Variants in ZNF765 observed in about 807,000 individuals in gnomAD.
ZNF765 encodes the protein zinc finger protein 765.
Under a neutral mutation model 44.7 loss-of-function variants are expected in ZNF765, and 37 were observed. That is an observed-to-expected ratio of 0.83 (90% confidence interval 0.64 to 1.09). ZNF765 has a LOEUF of 1.09. Ranked by LOEUF, ZNF765 falls within the 50% of genes least tolerant of loss-of-function variation. The pLI is 0.00. For missense variants in ZNF765, 594 were observed against 626.1 expected (o/e 0.95, Z 0.55); for synonymous variants, 201 against 213.7 (o/e 0.94, Z 0.52).
chr19:53,405,048 A>G (rs193053725), intron 3 of ZNF765, among the ~76,000 whole-genome samples: 131 of 152,132 alleles, frequency 8.6e-4, no homozygotes, highest in African/African-American at 2.8e-3. Flanking sequence ...TGAAACCTCA[A>G]ATCTACTAAA....
downstream of ZNF765, among the ~76,000 whole-genome samples, chr19:53,414,799 T>C (rs62117297): frequency 0.8 from 118,336 of 148,404 alleles, 47,699 homozygotes; most frequent in Admixed American, 0.85. Flanking sequence ...TCACCACAGG[T>C]GCTCAATCAG....
intron 3 of ZNF765, among the ~76,000 whole-genome samples, chr19:53,403,272 G>T (rs1192444218): frequency 6.6e-6 from 1 of 152,150 alleles, no homozygotes; most frequent in Non-Finnish European, 1.5e-5. Flanking sequence ...TTTGCCTTCT[G>T]AGTGCAGATT....
exon 4 of ZNF765, chr19:53,425,527 G>A (rs1463944608): frequency 6.6e-6 from 1 of 152,268 alleles, no homozygotes; most frequent in Non-Finnish European, 1.5e-5. Context: ...TCTCAGGCTG[G>A]TCTCAAACTC....
At chr19:53,413,160 TGTG>T (rs1057315792), downstream of ZNF765, 17 of 558,026 alleles carry the variant, frequency 3.0e-5, no homozygotes, top group Admixed American at 5.9e-5. Context: ...TCTCTCCCCT[TGTG>T]GTGTGTACTT....
At chr19:53,421,143 T>C (rs549277270) in intron 3 of ZNF765, among the ~76,000 whole-genome samples, 1 of 152,352 alleles carries the variant, frequency 6.6e-6, no homozygotes, top group African/African-American at 2.4e-5. Flanking sequence ...TGCTCTTTAC[T>C]GCACAGAGAT....
At position 53,408,755 on chromosome 19, in the gene ZNF765, C is replaced by T; in HGVS notation, c.1200C>T (p.Tyr400=). 4 of 1,573,902 alleles carry T rather than the reference C, an allele frequency of 2.5e-6. No homozygotes were observed. Among genetic ancestry groups the T allele is most frequent in the Non-Finnish European group, 3.5e-6 (4 of 1,156,224 alleles). ...TTAGTCACAAGTCATCTCTTACATA[C>T]CATCGTAGACTTCATACTGAAGAGA... ...KTFSHKSSLT[Y]HRRLHTEEKP... Residue 400 remains tyrosine, a synonymous_variant, in exon 4 of 4, where the codon TAC becomes TAT. Coordinates refer to ENST00000396408, the MANE Select transcript of ZNF765 (RefSeq NM_001040185.3).
At chr19:53,402,369 A>C (rs1321729353) in intron 3 of ZNF765, among the ~76,000 whole-genome samples, 178 bp downstream of exon 3, 1 of 144,000 alleles carries the variant, frequency 6.9e-6, no homozygotes, top group Admixed American at 7.5e-5. Context: ...CCATTCTCCT[A>C]CTTCAGCCTC....
chr19:53,402,510 T>C (rs1200617391), intron 3 of ZNF765, among the ~76,000 whole-genome samples: 1 of 152,106 alleles, frequency 6.6e-6, no homozygotes, highest in Non-Finnish European at 1.5e-5. Context: ...TCCACACACC[T>C]CGGCCTCCCA....
At chr19:53,402,011 T>C (rs2085731014) in intron 2 of ZNF765, 54 bp from the exon 3 acceptor site, 2 of 1,613,984 alleles carry the variant, frequency 1.2e-6, no homozygotes, top group East Asian at 2.2e-5. Context: ...TCATTTTCTG[T>C]AAAGATAAGA....
downstream of ZNF765, among the ~76,000 whole-genome samples, chr19:53,414,234 C>T (rs10411241): frequency 0.88 from 92,317 of 104,784 alleles, 41,756 homozygotes; most frequent in Middle Eastern, 0.98. Context: ...GAGTGAGACT[C>T]CATCTCAAAA....
At chr19:53,396,810 C>T (rs74508405) in intron 1 of ZNF765, among the ~76,000 whole-genome samples, 1 of 128,052 alleles carries the variant, frequency 7.8e-6, no homozygotes, top group African/African-American at 3.0e-5. Flanking sequence ...TCTCCCTTTG[C>T]TGCTTTTTAT....
chr19:53,412,199 CCTTT>C (rs1409595663), downstream of ZNF765, among the ~76,000 whole-genome samples: 3 of 152,132 alleles, frequency 2.0e-5, no homozygotes, highest in Admixed American at 6.6e-5. Flanking sequence ...AGGTAAATTT[CCTTT>C]CTATCTATTT....
At chr19:53,399,897 C>G (rs1403316905) in intron 2 of ZNF765, among the ~76,000 whole-genome samples, 1 of 152,068 alleles carries the variant, frequency 6.6e-6, no homozygotes, top group Non-Finnish European at 1.5e-5. Context: ...TCACTGCAAC[C>G]TCTGCCTCCC....
chr19:53,422,459 G>A (rs1432632691), intron 3 of ZNF765, among the ~76,000 whole-genome samples: 1 of 152,174 alleles, frequency 6.6e-6, no homozygotes, highest in Non-Finnish European at 1.5e-5. Context: ...GCAATTCATT[G>A]CAAATACACT....
intron 3 of ZNF765, among the ~76,000 whole-genome samples, chr19:53,422,027 T>C (rs76990130): frequency 0.065 from 9,827 of 152,182 alleles, 423 homozygotes; most frequent in East Asian, 0.086. Flanking sequence ...ATTCCTGTAA[T>C]TTTATACTCC....
At position 53,408,760 on chromosome 19, in the gene ZNF765, G is replaced by A. The variant is rs115354767; in HGVS notation, c.1205G>A (p.Arg402His). The change falls in exon 4 of 4, where the codon CGT becomes CAT. Residue 402 changes from arginine to histidine, a missense_variant. Physicochemically the swap from Arg to His is conservative, Grantham distance 29 (BLOSUM62 0). Transcript: ENST00000396408. ...FSHKSSLTYH[R>H]RLHTEEKPYK... Reference sequence around the variant, plus strand: ...CACAAGTCATCTCTTACATACCATCGTAGACTTCATACTGAAGAGAAACCT... The same window carrying A: ...CACAAGTCATCTCTTACATACCATCATAGACTTCATACTGAAGAGAAACCT... 7.8e-4 allele frequency: 1,259 copies of A among 1,613,360 alleles called. 18 individuals carry two copies. The African/African-American group carries it at 0.014, about 18-fold the overall frequency.
At chr19:53,414,487 A>ACCACCACCACCACCACCAC (rs1568786107), downstream of ZNF765, among the ~76,000 whole-genome samples, 7 of 1,912 alleles carry the variant, frequency 3.7e-3, 1 homozygote, top group Admixed American at 0.015. Context: ...ACACACACAC[A>ACCACCACCACCACCACCAC]CACCCCCCCC....
rs556781378 is a variant in ZNF765, at chr19:53,418,270, G to A, written c.143-4792G>A. ...GAAAAAATTAGCCGGGCGTGGTGGCGGGTGCCTGTAGTCCCAGCTATTCGG... is the reference window on the plus strand; with the variant it reads ...GAAAAAATTAGCCGGGCGTGGTGGCAGGTGCCTGTAGTCCCAGCTATTCGG... On this transcript the variant is annotated intron_variant, in intron 3 of 3. Coordinates refer to the ZNF765 transcript ENST00000594030. 5.3e-5 allele frequency among the ~76,000 whole-genome samples: 8 copies of A among 152,144 alleles called. No individual in the cohort carries two copies. The South Asian group carries it at 1.2e-3, about 24-fold the overall frequency.
chr19:53,418,665 T>G (rs2085889152), intron 3 of ZNF765, among the ~76,000 whole-genome samples: 1 of 151,458 alleles, frequency 6.6e-6, no homozygotes, highest in Non-Finnish European at 1.5e-5. Flanking sequence ...GGGAGGCCAA[T>G]GGTGGGGGGG....
Sources: gnomAD v4.1 joint callset for allele counts (sites outside exome capture counted in the v4.1 genomes callset) on GRCh38, gnomAD v4.1.1 for gene constraint, MANE v1.5 for transcripts, NCBI Gene and HGNC (gene_info 2026-07-23, HGNC 2026-07-21) for gene names.